Variants in CCDC12 observed in about 807,000 individuals in gnomAD.
The protein encoded by CCDC12 is coiled-coil domain-containing protein 12.
A neutral mutation model predicts 25.7 loss-of-function variants in CCDC12; 28 were observed. The observed-to-expected ratio is 1.09, with a 90% CI of 0.81 to 1.50. The LOEUF (loss-of-function observed/expected upper bound fraction) is 1.50. Among genes scored for constraint, CCDC12 ranks in the 40% most tolerant of loss-of-function variants. The pLI is 0.00. For synonymous variants in CCDC12, 75 were observed against 87.7 expected (o/e 0.86, Z 0.81); for missense variants, 198 against 210.0 (o/e 0.94, Z 0.35).
At chr3:46,930,061 A>T (rs911464751) in intron 2 of CCDC12, among the ~76,000 whole-genome samples, 12 of 135,580 alleles carry the variant, frequency 8.9e-5, no homozygotes, top group East Asian at 2.4e-4. Flanking sequence ...AAAAAAAGAG[A>T]TGGGGGTCTC....
intron 1 of CCDC12, among the ~76,000 whole-genome samples, chr3:46,951,790 A>ATATAT (rs1370486538): frequency 7.8e-4 from 17 of 21,790 alleles, no homozygotes; most frequent in Non-Finnish European, 1.6e-3. Flanking sequence ...AAAAAAAAAA[A>ATATAT]AAAAAAAAAT....
At chr3:46,958,485 A>C (rs989267930) in intron 1 of CCDC12, among the ~76,000 whole-genome samples, 1 of 152,100 alleles carries the variant, frequency 6.6e-6, no homozygotes, top group Admixed American at 6.5e-5. Context: ...TCTCCCTGTA[A>C]CCAGCTGCAG....
At chr3:46,963,570 C>T (rs1221750290) in intron 1 of CCDC12, among the ~76,000 whole-genome samples, 2 of 152,210 alleles carry the variant, frequency 1.3e-5, no homozygotes, top group Non-Finnish European at 2.9e-5. Context: ...ATTCTCCTGC[C>T]TCAGCCTGCC....
intron 1 of CCDC12, among the ~76,000 whole-genome samples, chr3:46,956,750 G>A (rs1367744144): frequency 4.7e-5 from 3 of 63,846 alleles, no homozygotes; most frequent in Non-Finnish European, 1.1e-4. Context: ...GAGCCCAGGA[G>A]GTTGAGGCTG....
intron 1 of CCDC12, among the ~76,000 whole-genome samples, chr3:46,953,055 T>C (rs962282443): frequency 6.6e-6 from 1 of 152,176 alleles, no homozygotes; most frequent in African/African-American, 2.4e-5. Flanking sequence ...CAGCTCTTTC[T>C]GGTGTCATTT....
chr3:46,953,334 CA>C (rs1437956610), intron 1 of CCDC12, among the ~76,000 whole-genome samples: 1 of 152,034 alleles, frequency 6.6e-6, no homozygotes, highest in Non-Finnish European at 1.5e-5. Context: ...ACACAAACGC[CA>C]GGGGTAAGAG....
chr3:46,960,338 T>G (rs7630904), intron 1 of CCDC12, among the ~76,000 whole-genome samples: 143,496 of 152,238 alleles, frequency 0.94, 68,246 homozygotes, highest in East Asian at 1. Context: ...AGATGGAAGC[T>G]GCCTGAGTCA....
At chr3:46,934,006 G>A (rs2033341499) in intron 2 of CCDC12, among the ~76,000 whole-genome samples, 3 of 150,890 alleles carry the variant, frequency 2.0e-5, no homozygotes, top group South Asian at 2.1e-4. Flanking sequence ...TACAAGCTCC[G>A]CCTCCCGGGT....
chr3:46,923,617 A>ATGACGGGCTCGGGCT lies in CCDC12; in HGVS notation c.281_295dup (p.Lys94_Val98dup). 1 of 1,599,658 alleles carries ATGACGGGCTCGGGCT rather than the reference A, an allele frequency of 6.3e-7. No individual in the cohort carries two copies. On this transcript the variant is annotated inframe_insertion, in exon 4 of 7. Transcript: ENST00000683445. ...GGTCCAGGCACTCACCACCTCCTCG[A>ATGACGGGCTCGGGCT]TGACGGGCTCGGGCTTGGCGGCCTC... is the stretch of plus-strand genomic sequence containing the variant.
At chr3:46,933,475 C>T (rs1363254066) in intron 2 of CCDC12, among the ~76,000 whole-genome samples, 3 of 152,230 alleles carry the variant, frequency 2.0e-5, no homozygotes, top group Non-Finnish European at 2.9e-5. Context: ...AAGCAGCCAA[C>T]GGCTGTTCCA....
Position 46,951,544 on chromosome 3 carries a change from G to C in CCDC12, c.97-10479C>G, listed in dbSNP as rs1575554056. ...GCCTGTAATCCCAGCACTTTGGGAAGCCGAGGCGGGTGGATCACGAGGTCA... is the reference window on the plus strand; with the variant it reads ...GCCTGTAATCCCAGCACTTTGGGAACCCGAGGCGGGTGGATCACGAGGTCA... On this transcript the variant is annotated intron_variant, in intron 1 of 6. Transcript: ENST00000683445. Among the ~76,000 whole-genome samples the C allele has an allele frequency of 2.6e-5, 4 of 151,010 alleles. No homozygotes were observed. In the South Asian group the frequency reaches 8.4e-4, roughly 32 times the overall value.
intron 1 of CCDC12, chr3:46,976,349 C>G: frequency 7.4e-7 from 1 of 1,348,142 alleles, no homozygotes; most frequent in East Asian, 3.1e-5. Context: ...CCCTAGATAC[C>G]TACACGAGCA....
chr3:46,976,394 T>G, intron 1 of CCDC12: 2 of 1,398,182 alleles, frequency 1.4e-6, no homozygotes, highest in Non-Finnish European at 1.9e-6. Context: ...GGACTGCGGG[T>G]CGCTGACCAC....
intron 1 of CCDC12, among the ~76,000 whole-genome samples, chr3:46,970,184 C>T (rs2034762545): frequency 1.3e-5 from 2 of 152,108 alleles, no homozygotes; most frequent in Middle Eastern, 3.2e-3. Flanking sequence ...GGGATTATAA[C>T]AAGCTTGTCC....
intron 4 of CCDC12, 30 bp downstream of exon 4, chr3:46,923,577 C>T (rs1226040554): frequency 2.5e-6 from 4 of 1,598,812 alleles, no homozygotes; most frequent in East Asian, 2.3e-5. Context: ...ACAGAAGCAG[C>T]GAGGATGCCA....
At chr3:46,957,996 C>CACACAAACACACAT (rs113627328) in intron 1 of CCDC12, among the ~76,000 whole-genome samples, 1 of 142,582 alleles carries the variant, frequency 7.0e-6, no homozygotes, top group East Asian at 2.1e-4. Flanking sequence ...CACACACACA[C>CACACAAACACACAT]ATATATATGT....
chr3:46,925,806 T>C (rs1214978319), intron 2 of CCDC12, among the ~76,000 whole-genome samples: 1 of 152,184 alleles, frequency 6.6e-6, no homozygotes, highest in Non-Finnish European at 1.5e-5. Flanking sequence ...CAAGGACGCC[T>C]AGGGAGCATT....
At chr3:46,978,371 CTGTTGTCTT>C (rs2035073597), upstream of CCDC12, among the ~76,000 whole-genome samples, 1 of 152,188 alleles carries the variant, frequency 6.6e-6, no homozygotes, top group Non-Finnish European at 1.5e-5. Flanking sequence ...GACAGGGTCT[CTGTTGTCTT>C]GGCCAACCAA....
At chr3:46,933,344 C>T (rs544675744) in intron 2 of CCDC12, among the ~76,000 whole-genome samples, 17 of 152,230 alleles carry the variant, frequency 1.1e-4, no homozygotes, top group African/African-American at 3.1e-4. Flanking sequence ...ACAAGGAGGC[C>T]GGAGAAGCCA....
Sources: allele counts gnomAD v4.1 joint callset (sites outside exome capture counted in the v4.1 genomes callset), GRCh38; gene constraint gnomAD v4.1.1; transcripts MANE v1.5; gene names NCBI Gene and HGNC (gene_info 2026-07-23, HGNC 2026-07-21).